Variants in ATP11A observed in about 807,000 individuals in gnomAD.
ATP11A encodes ATPase phospholipid transporting 11A, also known as phospholipid-transporting ATPase IH.
A neutral mutation model predicts 154.4 loss-of-function variants in ATP11A; 81 were observed. The ratio of observed to expected loss-of-function variants is 0.52; its 90% CI spans 0.44 to 0.63. The LOEUF (loss-of-function observed/expected upper bound fraction) is 0.63. ATP11A is among the 30% of genes least tolerant of loss of function. The probability of loss-of-function intolerance (pLI) is 0.00; values close to 1 mark genes in which losing one functional copy is unlikely to be tolerated. For synonymous variants in ATP11A, 623 were observed against 585.9 expected (o/e 1.06, Z -0.91); for missense variants, 1,316 against 1,474.3 (o/e 0.89, Z 1.76).
chr13:112,720,714 C>T (rs534624260), intron 1 of ATP11A, among the ~76,000 whole-genome samples: 3 of 152,190 alleles, frequency 2.0e-5, no homozygotes, highest in East Asian at 1.9e-4. Flanking sequence ...TGCACCACCA[C>T]GCCCGGCTAA....
chr13:112,865,103 C>A (rs1469657277), intron 25 of ATP11A, among the ~76,000 whole-genome samples: 41 of 110,984 alleles, frequency 3.7e-4, no homozygotes, highest in East Asian at 9.1e-4. Context: ...TCAGTGCAGC[C>A]CATGCAGCTT....
At chr13:112,724,201 A>C (rs547914923) in intron 1 of ATP11A, among the ~76,000 whole-genome samples, 1 of 134,210 alleles carries the variant, frequency 7.5e-6, no homozygotes, top group Non-Finnish European at 1.6e-5. Flanking sequence ...CATCGGCACC[A>C]TCGCCCCATT....
intron 17 of ATP11A, among the ~76,000 whole-genome samples, chr13:112,845,855 T>A (rs1397171951): frequency 6.6e-6 from 1 of 151,476 alleles, no homozygotes; most frequent in African/African-American, 2.4e-5. Context: ...CCAGTCCAGT[T>A]GCCGGCACTA....
intron 1 of ATP11A, among the ~76,000 whole-genome samples, chr13:112,765,912 C>T (rs1222883509): frequency 6.6e-6 from 1 of 152,262 alleles, no homozygotes; most frequent in Non-Finnish European, 1.5e-5. Context: ...CGCCAGGGTC[C>T]TCCCCCTTCT....
intron 1 of ATP11A, chr13:112,745,916 G>A (rs1012436379): frequency 1.3e-5 from 2 of 152,120 alleles, no homozygotes; most frequent in African/African-American, 4.8e-5. Context: ...CGTTAAACTA[G>A]GTGTCCCCAC....
At chr13:112,862,046 ACAG>A (rs1447544660) in intron 24 of ATP11A, among the ~76,000 whole-genome samples, 2 of 152,050 alleles carry the variant, frequency 1.3e-5, no homozygotes, top group Admixed American at 6.6e-5. Flanking sequence ...GTAAGGTGTC[ACAG>A]CAGGCGTAAG....
chr13:112,773,895 C>T (rs956165577), intron 1 of ATP11A, among the ~76,000 whole-genome samples: 3 of 152,114 alleles, frequency 2.0e-5, no homozygotes, highest in Non-Finnish European at 4.4e-5. Flanking sequence ...CTCCACCCCA[C>T]CTCGTGCCTT....
intron 8 of ATP11A, among the ~76,000 whole-genome samples, chr13:112,821,292 T>G (rs1258490799): frequency 6.6e-6 from 1 of 152,228 alleles, no homozygotes; most frequent in Non-Finnish European, 1.5e-5. Flanking sequence ...ATACTAACTC[T>G]GGTTTCACTT....
At chr13:112,823,990 C>T (rs965832210) in intron 9 of ATP11A, among the ~76,000 whole-genome samples, 6 of 152,108 alleles carry the variant, frequency 3.9e-5, no homozygotes, top group South Asian at 2.1e-4. Context: ...CTGTTTTTAT[C>T]GTCTGTATTT....
At chr13:112,881,005 G>C (rs2080868780) in intron 29 of ATP11A, 1 of 990,500 alleles carries the variant, frequency 1.0e-6, no homozygotes, top group Non-Finnish European at 1.2e-6. Context: ...AATCAAACGT[G>C]GTTATTGCAT....
At chr13:112,879,633 G>A (rs2080826136) in intron 29 of ATP11A, among the ~76,000 whole-genome samples, 3 of 152,210 alleles carry the variant, frequency 2.0e-5, no homozygotes, top group South Asian at 4.1e-4. Context: ...CTTGGGCCCC[G>A]GCATGACCCC....
At chr13:112,698,073 C>A (rs1391877171) in intron 1 of ATP11A, among the ~76,000 whole-genome samples, 2 of 152,214 alleles carry the variant, frequency 1.3e-5, no homozygotes, top group Non-Finnish European at 2.9e-5. Flanking sequence ...TCTGATGTGG[C>A]TGCACGGGCG....
Position 112,734,047 on chromosome 13 carries a change from G to A in ATP11A, c.39+43592G>A, listed in dbSNP as rs370647470. ...CAGGCTTTTGTGTTACTTAGTTATC[G>A]AGAAAATGATTTCATCCGGGTTAAT... On this transcript the variant is annotated intron_variant, in intron 1 of 29. Transcript: ENST00000375645. 5.3e-5 allele frequency among the ~76,000 whole-genome samples: 8 copies of A among 152,190 alleles called. No individual in the cohort carries two copies. In the East Asian group the frequency reaches 7.7e-4, roughly 15 times the overall value.
At chr13:112,843,239 G>A (rs1021774070) in intron 17 of ATP11A, among the ~76,000 whole-genome samples, 1 of 151,718 alleles carries the variant, frequency 6.6e-6, no homozygotes, top group African/African-American at 2.4e-5. Context: ...TGGGGTGGAC[G>A]CACTCCCTCC....
chr13:112,715,046 C>T (rs866045393), intron 1 of ATP11A, among the ~76,000 whole-genome samples: 25 of 152,216 alleles, frequency 1.6e-4, no homozygotes, highest in African/African-American at 5.8e-4. Flanking sequence ...GTGACCAGCT[C>T]ATTTCACTCA....
chr13:112,794,181 A>G (rs919216961), intron 2 of ATP11A, among the ~76,000 whole-genome samples: 8 of 152,216 alleles, frequency 5.3e-5, no homozygotes, highest in South Asian at 4.2e-4. Context: ...CTTTCACGCC[A>G]GGAGCTCCTA....
At chr13:112,823,057 C>T (rs780779349) in intron 8 of ATP11A, among the ~76,000 whole-genome samples, 4 of 152,168 alleles carry the variant, frequency 2.6e-5, no homozygotes, top group Non-Finnish European at 4.4e-5. Flanking sequence ...GGCTGCCGGG[C>T]GCAGCTCAGT....
intron 1 of ATP11A, among the ~76,000 whole-genome samples, chr13:112,780,929 G>C (rs1156303040): frequency 6.6e-6 from 1 of 152,194 alleles, no homozygotes; most frequent in Non-Finnish European, 1.5e-5. Context: ...AACGCGGAGA[G>C]AGAGAGGCTG....
In ATP11A at chr13:112,838,674, G is replaced by A. The variant is rs548451500; in HGVS notation, c.1705+2423G>A. Among the ~76,000 whole-genome samples the A allele has an allele frequency of 6.6e-6, 1 of 152,208 alleles. No individual in the cohort carries two copies. The highest frequency in any genetic ancestry group is 2.4e-5 in the African/African-American group (1 of 41,450). On this transcript the variant is annotated intron_variant, in intron 16 of 29. Coordinates refer to ENST00000375645, the MANE Select transcript of ATP11A (RefSeq NM_015205.3). This position sits in a 1 kb window ranked among gnomAD's most constrained non-coding sequence, Gnocchi z 7.3. ...AGCCGCTGGATCACTCGAAGAATCC[G>A]GGTTGGAGGCATTTGTGCCATGAGA...
Sources: gnomAD v4.1 joint callset for allele counts (sites outside exome capture counted in the v4.1 genomes callset) on GRCh38, gnomAD v4.1.1 for gene constraint, Gnocchi (gnomAD v3.1) non-coding constraint, MANE v1.5 for transcripts, NCBI Gene and HGNC (gene_info 2026-07-23, HGNC 2026-07-21) for gene names.